Variants in ANXA4 observed in about 807,000 individuals in gnomAD.
The protein encoded by ANXA4 is 35-beta calcimedin.
ANXA4 carries 39 observed loss-of-function variants against 49.8 expected under a neutral mutation model. That is an observed-to-expected ratio of 0.78 (90% CI 0.61 to 1.02). ANXA4 has a LOEUF of 1.02. Among genes scored for constraint, ANXA4 ranks in the 50% least tolerant of loss-of-function variants. ANXA4 has a pLI of 0.00. For missense variants in ANXA4, 360 were observed against 410.1 expected (o/e 0.88, Z 1.05); for synonymous variants, 134 against 152.5 (o/e 0.88, Z 0.89).
intron 1 of ANXA4, among the ~76,000 whole-genome samples, chr2:69,779,107 C>CAAA (rs70954359): frequency 6.6e-5 from 3 of 45,436 alleles, no homozygotes; most frequent in African/African-American, 1.4e-4. Context: ...CACTCTGCCT[C>CAAA]AAAAAAAAAA....
chr2:69,794,216 A>C (rs1165110856), intron 3 of ANXA4, among the ~76,000 whole-genome samples: 1 of 152,150 alleles, frequency 6.6e-6, no homozygotes, highest in Non-Finnish European at 1.5e-5. Context: ...TCAGCCAGAG[A>C]CTTTCCTTAG....
At chr2:69,723,939 C>T (rs985322846) in intron 3 of ANXA4, among the ~76,000 whole-genome samples, 3 of 152,102 alleles carry the variant, frequency 2.0e-5, no homozygotes, top group Admixed American at 6.5e-5. Flanking sequence ...AAACCTAGGC[C>T]CGAAAGCTAA....
At chr2:69,658,858 C>G (rs569756831) in intron 2 of ANXA4, among the ~76,000 whole-genome samples, 1 of 152,218 alleles carries the variant, frequency 6.6e-6, no homozygotes, top group South Asian at 2.1e-4. Context: ...CCACACCTGG[C>G]TAATTTTTTT....
intron 1 of ANXA4, among the ~76,000 whole-genome samples, chr2:69,743,875 A>G (rs1040672694): frequency 1.3e-5 from 2 of 151,780 alleles, no homozygotes; most frequent in Non-Finnish European, 2.9e-5. Context: ...GCCATGTACC[A>G]CTCCAGGCCT....
At chr2:69,722,899 A>G (rs1669850428) in intron 3 of ANXA4, among the ~76,000 whole-genome samples, 3 of 151,938 alleles carry the variant, frequency 2.0e-5, no homozygotes, top group Non-Finnish European at 2.9e-5. Flanking sequence ...TAGGCCGGGC[A>G]TGGTGGCTCA....
intron 2 of ANXA4, among the ~76,000 whole-genome samples, chr2:69,715,296 C>G (rs142712211): frequency 2.0e-5 from 3 of 152,088 alleles, no homozygotes; most frequent in African/African-American, 7.2e-5. Flanking sequence ...CACAACCTCC[C>G]CCTCCTGGGT....
At chr2:69,809,169 G>A (rs987753218) in intron 6 of ANXA4, 1 of 152,166 alleles carries the variant, frequency 6.6e-6, no homozygotes, top group East Asian at 1.9e-4. Flanking sequence ...TTATTTCTGG[G>A]TGATTAGACT....
chr2:69,779,782 C>A (rs1193903620), intron 1 of ANXA4, among the ~76,000 whole-genome samples: 1 of 152,224 alleles, frequency 6.6e-6, no homozygotes, highest in Admixed American at 6.5e-5. Context: ...GCTTTTCCAA[C>A]CTTGTTTCTG....
intron 12 of ANXA4, among the ~76,000 whole-genome samples, chr2:69,824,504 G>GA (rs70954363): frequency 0.37 from 31,137 of 84,718 alleles, 4,140 homozygotes; most frequent in East Asian, 0.51. Context: ...CTCCGTCTCA[G>GA]AAAAAAAAAA....
intron 12 of ANXA4, among the ~76,000 whole-genome samples, chr2:69,822,998 A>G (rs1188550356): frequency 6.6e-6 from 1 of 151,252 alleles, no homozygotes; most frequent in Non-Finnish European, 1.5e-5. Flanking sequence ...GAAGTATAAT[A>G]CTTCATCATA....
chr2:69,764,925 A>T (rs1013650297), intron 1 of ANXA4, among the ~76,000 whole-genome samples: 1 of 152,000 alleles, frequency 6.6e-6, no homozygotes, highest in African/African-American at 2.4e-5. Context: ...ATATAAGTGG[A>T]TTCATGTAGT....
chr2:69,737,066 G>A (rs1559125097), upstream of ANXA4, among the ~76,000 whole-genome samples: 1 of 151,536 alleles, frequency 6.6e-6, no homozygotes, highest in South Asian at 2.1e-4. Flanking sequence ...GCCTCTCAGA[G>A]TGCTGGGATT....
chr2:69,738,883 TAGA>T (rs1342626467), upstream of ANXA4, among the ~76,000 whole-genome samples: 2 of 152,206 alleles, frequency 1.3e-5, no homozygotes, highest in African/African-American at 4.8e-5. Flanking sequence ...CCAGGTGGAA[TAGA>T]AGAATTGCTC....
At chr2:69,743,271 G>A (rs761156184) in intron 1 of ANXA4, among the ~76,000 whole-genome samples, 5 of 152,056 alleles carry the variant, frequency 3.3e-5, no homozygotes, top group East Asian at 1.9e-4. Flanking sequence ...AGGCTGGAGC[G>A]CAGTGATATG....
At chr2:69,791,673 A>G (rs1672695749) in intron 3 of ANXA4, among the ~76,000 whole-genome samples, 1 of 152,210 alleles carries the variant, frequency 6.6e-6, no homozygotes, top group Non-Finnish European at 1.5e-5. Flanking sequence ...TTGTTTTGAT[A>G]TTTATAAACA....
chr2:69,814,089 C>T (rs1030160370), intron 8 of ANXA4, among the ~76,000 whole-genome samples: 5 of 151,760 alleles, frequency 3.3e-5, no homozygotes, highest in Admixed American at 6.6e-5. Context: ...AATACATAAC[C>T]ATAATGAGGG....
chr2:69,647,276 C>T (rs1324552923), intron 1 of ANXA4, among the ~76,000 whole-genome samples: 1 of 152,086 alleles, frequency 6.6e-6, no homozygotes, highest in African/African-American at 2.4e-5. Context: ...AGTAAAGCTC[C>T]CCTCTCCAAA....
intron 3 of ANXA4, among the ~76,000 whole-genome samples, chr2:69,732,880 AG>A (rs1205320017): frequency 1.3e-5 from 2 of 152,240 alleles, no homozygotes; most frequent in South Asian, 4.1e-4. Context: ...TTAGAGGCCC[AG>A]GTTGGATGTG....
intron 2 of ANXA4, among the ~76,000 whole-genome samples, chr2:69,680,763 T>C (rs534328020): frequency 7.0e-4 from 106 of 152,332 alleles, no homozygotes; most frequent in South Asian, 3.1e-3. Flanking sequence ...GAGATGATCA[T>C]ATAGTTTTTG....
Sources: gnomAD v4.1 joint callset for allele counts (sites outside exome capture counted in the v4.1 genomes callset) on GRCh38, gnomAD v4.1.1 for gene constraint, MANE v1.5 for transcripts, NCBI Gene and HGNC (gene_info 2026-07-23, HGNC 2026-07-21) for gene names.